ORC4: variants seen among roughly 807,000 people sequenced by gnomAD.
The protein encoded by ORC4 is origin recognition complex, subunit 4 homolog.
ORC4 carries 55 observed loss-of-function variants against 63.9 expected under a neutral mutation model. That is an observed-to-expected ratio of 0.86 (90% CI 0.69 to 1.08). The LOEUF is 1.08. Among genes scored for constraint, ORC4 ranks in the 50% least tolerant of loss-of-function variants. ORC4 has a pLI of 0.00. For synonymous variants in ORC4, 150 were observed against 168.5 expected, an observed-to-expected ratio of 0.89 and a Z score of 0.85; for missense variants, 511 against 504.4, an observed-to-expected ratio of 1.01 and a Z score of -0.13.
At chr2:147,973,389 A>C (rs1458112099) in intron 3 of ORC4, 59 bp downstream of exon 3, 130 of 1,024,972 alleles carry the variant, frequency 1.3e-4, no homozygotes, top group Non-Finnish European at 9.3e-6. Context: ...TAATTTTTGC[A>C]AAACCTGGAA....
At chr2:147,983,383 C>T (rs192949523) in intron 1 of ORC4, among the ~76,000 whole-genome samples, 76 of 152,218 alleles carry the variant, frequency 5.0e-4, no homozygotes, top group African/African-American at 1.8e-3. Flanking sequence ...CAGGAAGTAC[C>T]CAGACAGTAA....
At chr2:147,996,888 G>A (rs1573873485) in intron 1 of ORC4, among the ~76,000 whole-genome samples, 1 of 152,136 alleles carries the variant, frequency 6.6e-6, no homozygotes, top group Non-Finnish European at 1.5e-5. Flanking sequence ...ACATAATCTA[G>A]CAATCATGTA....
At chr2:147,980,224 G>GA (rs766691860) in intron 1 of ORC4, among the ~76,000 whole-genome samples, 5 of 149,516 alleles carry the variant, frequency 3.3e-5, no homozygotes, top group Non-Finnish European at 7.4e-5. Flanking sequence ...ATTTAGAGGG[G>GA]AAAAAAAATG....
chr2:147,935,683 G>C lies in ORC4; in HGVS notation c.1138C>G (p.Gln380Glu). The C allele has an allele frequency of 6.2e-7, 1 of 1,612,452 alleles. No individual in the cohort carries two copies. The highest frequency in any genetic ancestry group is 1.1e-5 in the South Asian group (1 of 91,030). ...PVVMKAFEHL[Q>E]QLELIKPMER... ...ATGGGCTTTATTAATTCTAATTGCT[G>C]CAAGTGTTCAAAAGCCTGAAAGATG... Residue 380 changes from glutamine to glutamate, a missense_variant, in exon 14 of 14, where the codon CAG becomes GAG. Coordinates refer to ENST00000392857, the MANE Select transcript of ORC4 (RefSeq NM_181741.4).
At chr2:147,977,146 A>G (rs1011877175) in intron 1 of ORC4, among the ~76,000 whole-genome samples, 2 of 152,192 alleles carry the variant, frequency 1.3e-5, no homozygotes, top group African/African-American at 4.8e-5. Flanking sequence ...TAAGGTTAGA[A>G]GACACAGATA....
rs1693656320 is a variant in ORC4 at position 148,020,682 on chromosome 2, C to A, written c.-67G>T. 1 of 152,602 alleles carries A rather than the reference C, an allele frequency of 6.6e-6. No homozygotes were observed. Among genetic ancestry groups the A allele is most frequent in the African/African-American group, 2.4e-5 (1 of 41,448 alleles). The allele number at this position is 152,602 out of a possible 1,614,324, so 9.5% of individuals were successfully genotyped here. On this transcript the variant is annotated 5_prime_UTR_variant, in exon 1 of 14. Transcript: ENST00000392857. ...CTGCAGGAATCGCTTCACCGAATCG[C>A]CTGGCCGCGTCCTCTGCTAGACTTC... is the stretch of plus-strand genomic sequence containing the variant.
intron 6 of ORC4, among the ~76,000 whole-genome samples, chr2:147,955,939 T>C (rs1689224429): frequency 6.6e-6 from 1 of 152,026 alleles, no homozygotes; most frequent in African/African-American, 2.4e-5. Flanking sequence ...CTGAAGAATT[T>C]ATGTATATCA....
chr2:147,947,206 G>A (rs962995219), intron 9 of ORC4, among the ~76,000 whole-genome samples: 1 of 151,852 alleles, frequency 6.6e-6, no homozygotes, highest in Non-Finnish European at 1.5e-5. Flanking sequence ...ATCCTTACCG[G>A]TATTTTAACA....
chr2:148,014,617 T>C (rs979507622), intron 1 of ORC4, among the ~76,000 whole-genome samples: 2 of 152,180 alleles, frequency 1.3e-5, no homozygotes, highest in African/African-American at 4.8e-5. Context: ...ACTATGAATA[T>C]AGTCGGCCCT....
chr2:148,012,225 C>G (rs1573902083), intron 1 of ORC4, among the ~76,000 whole-genome samples: 2 of 152,106 alleles, frequency 1.3e-5, no homozygotes, highest in South Asian at 2.1e-4. Flanking sequence ...GCTATAGTAA[C>G]CAAAATAGCA....
chr2:147,935,723 G>A (rs759618355), intron 13 of ORC4, 25 bp from the exon 14 acceptor site: 2 of 1,586,770 alleles, frequency 1.3e-6, no homozygotes, highest in East Asian at 4.5e-5. Context: ...AAATAGTTTA[G>A]GTTGAATAGG....
intron 1 of ORC4, among the ~76,000 whole-genome samples, chr2:147,978,463 T>A (rs755077415): frequency 3.3e-5 from 5 of 152,184 alleles, no homozygotes; most frequent in Non-Finnish European, 7.3e-5. Flanking sequence ...CAGGGCTGTT[T>A]CAGTATTTAA....
chr2:147,955,456 C>T, intron 6 of ORC4, 61 bp from the exon 7 acceptor site: 2 of 1,172,116 alleles, frequency 1.7e-6, no homozygotes, highest in Admixed American at 3.6e-5. Flanking sequence ...CAAAAGATGG[C>T]TGTCTGATTC....
At chr2:147,955,263 C>CAAAAGCTTGTATTACCTTTAT (rs1689185219) in intron 7 of ORC4, 84 bp downstream of exon 7, 2 of 882,930 alleles carry the variant, frequency 2.3e-6, no homozygotes, top group South Asian at 3.2e-5. Flanking sequence ...TTTTTTTTGG[C>CAAAAGCTTGTATTACCTTTAT]AAAAGCTTGT....
intron 1 of ORC4, among the ~76,000 whole-genome samples, chr2:147,994,862 T>A (rs540258596): frequency 2.1e-3 from 325 of 152,246 alleles, no homozygotes; most frequent in African/African-American, 7.5e-3. Context: ...CTGTCTCTAC[T>A]AAAAATACAA....
intron 1 of ORC4, among the ~76,000 whole-genome samples, chr2:148,000,971 T>C (rs1573881468): frequency 6.6e-6 from 1 of 152,172 alleles, no homozygotes; most frequent in Admixed American, 6.6e-5. Flanking sequence ...GGTAGCAATA[T>C]AAAATGTTAT....
intron 1 of ORC4, among the ~76,000 whole-genome samples, chr2:148,006,190 GT>G (rs886093860): frequency 2.0e-5 from 3 of 152,186 alleles, no homozygotes; most frequent in Admixed American, 6.5e-5. Flanking sequence ...GCGAAAGTAA[GT>G]ATGGGACTTT....
chr2:147,939,490 C>A (rs1280408791), intron 10 of ORC4, among the ~76,000 whole-genome samples: 3 of 152,074 alleles, frequency 2.0e-5, no homozygotes, highest in Non-Finnish European at 4.4e-5. Flanking sequence ...AGTTGCATAA[C>A]TTGTTTACTT....
intron 1 of ORC4, among the ~76,000 whole-genome samples, chr2:148,007,173 C>A (rs1041572180): frequency 3.9e-5 from 6 of 152,092 alleles, no homozygotes; most frequent in Non-Finnish European, 7.3e-5. Context: ...ATGAACAAAC[C>A]CAAACTGTGA....
Sources: allele counts gnomAD v4.1 joint callset (sites outside exome capture counted in the v4.1 genomes callset), GRCh38; gene constraint gnomAD v4.1.1; transcripts MANE v1.5; gene names NCBI Gene and HGNC (gene_info 2026-07-23, HGNC 2026-07-21).